ARHGAP15: variants seen among roughly 807,000 people sequenced by gnomAD.
ARHGAP15 encodes the protein Rho GTPase activating protein 15.
ARHGAP15 carries 51 observed loss-of-function variants against 63.7 expected under a neutral mutation model. The ratio of observed to expected loss-of-function variants is 0.80; its 90% CI spans 0.64 to 1.01. The LOEUF is 1.01. Among genes scored for constraint, ARHGAP15 ranks in the 50% least tolerant of loss-of-function variants. ARHGAP15 has a pLI of 0.00. For synonymous variants in ARHGAP15, 191 were observed against 193.8 expected, an observed-to-expected ratio of 0.99 and a Z score of 0.12; for missense variants, 560 against 564.6, an observed-to-expected ratio of 0.99 and a Z score of 0.08.
intron 11 of ARHGAP15, among the ~76,000 whole-genome samples, chr2:143,618,023 G>A (rs1459784075): frequency 6.6e-6 from 1 of 152,194 alleles, no homozygotes; most frequent in African/African-American, 2.4e-5. Context: ...TCATGTTACA[G>A]CCAAGGTGTG....
chr2:143,475,478 A>G lies in ARHGAP15; in HGVS notation c.704-11895A>G, dbSNP rs528103149. 6.6e-5 allele frequency among the ~76,000 whole-genome samples: 10 copies of G among 152,356 alleles called. No homozygotes were observed. In the East Asian group the frequency reaches 1.9e-3, roughly 29 times the overall value. On this transcript the variant is annotated intron_variant, in intron 8 of 13. Transcript: ENST00000295095. ...TAATAGAGGGTTCTGTCCCAACAAA[A>G]CTATTCTGTGAGAGACTCACTGACT...
At chr2:143,139,428 A>G (rs193285) in intron 1 of ARHGAP15, among the ~76,000 whole-genome samples, 62,156 of 151,912 alleles carry the variant, frequency 0.41, 12,896 homozygotes, top group Middle Eastern at 0.48. Context: ...GATTATGGCA[A>G]AAGAGTCTCA....
At chr2:143,385,297 A>G (rs1687229679) in intron 6 of ARHGAP15, among the ~76,000 whole-genome samples, 2 of 152,194 alleles carry the variant, frequency 1.3e-5, no homozygotes, top group African/African-American at 4.8e-5. Flanking sequence ...AGATGGGTAG[A>G]GAAGCTTAAA....
At chr2:143,728,067 C>A (rs1209416041) in intron 13 of ARHGAP15, among the ~76,000 whole-genome samples, 1 of 152,166 alleles carries the variant, frequency 6.6e-6, no homozygotes, top group Non-Finnish European at 1.5e-5. Context: ...AGCCATAACA[C>A]AATACGACAC....
At chr2:143,330,031 G>A (rs1169976688) in intron 6 of ARHGAP15, among the ~76,000 whole-genome samples, 4 of 132,202 alleles carry the variant, frequency 3.0e-5, no homozygotes, top group African/African-American at 8.6e-5. Flanking sequence ...GGCAGAGGTT[G>A]CAGTGAGCCT....
At chr2:143,732,798 A>G (rs1685590936) in intron 13 of ARHGAP15, among the ~76,000 whole-genome samples, 1 of 152,006 alleles carries the variant, frequency 6.6e-6, no homozygotes, top group Non-Finnish European at 1.5e-5. Flanking sequence ...AGGTTTGCAA[A>G]CTTTAAAAAA....
At chr2:143,578,639 C>T (rs1392238888) in intron 11 of ARHGAP15, among the ~76,000 whole-genome samples, 1 of 152,138 alleles carries the variant, frequency 6.6e-6, no homozygotes, top group Non-Finnish European at 1.5e-5. Context: ...GAAGAAGATG[C>T]TTTTATTCAA....
At chr2:143,600,040 G>A (rs1697702815) in intron 11 of ARHGAP15, among the ~76,000 whole-genome samples, 1 of 152,144 alleles carries the variant, frequency 6.6e-6, no homozygotes, top group Admixed American at 6.6e-5. Context: ...AAAAGAAGTT[G>A]CTGAAGAAGG....
intron 2 of ARHGAP15, among the ~76,000 whole-genome samples, chr2:143,164,776 G>C (rs757485193): frequency 6.6e-6 from 1 of 151,382 alleles, no homozygotes; most frequent in South Asian, 2.1e-4. Context: ...AGAAAAAGCA[G>C]CATGTTGCTT....
intron 6 of ARHGAP15, among the ~76,000 whole-genome samples, chr2:143,284,396 T>C (rs936210195): frequency 2.6e-5 from 4 of 152,204 alleles, no homozygotes; most frequent in African/African-American, 9.6e-5. Context: ...ACGTTGTCAC[T>C]GTTAAACAAA....
chr2:143,603,907 C>T (rs1304658505), intron 11 of ARHGAP15, among the ~76,000 whole-genome samples: 1 of 152,122 alleles, frequency 6.6e-6, no homozygotes, highest in Non-Finnish European at 1.5e-5. Flanking sequence ...TCCTCATCTA[C>T]CAATGTGAAG....
At chr2:143,543,729 C>T (rs1559041351) in intron 10 of ARHGAP15, among the ~76,000 whole-genome samples, 3 of 151,876 alleles carry the variant, frequency 2.0e-5, no homozygotes, top group African/African-American at 7.3e-5. Context: ...ATCTATGTGA[C>T]AAAATCCCCC....
chr2:143,498,654 C>G (rs940432944), intron 9 of ARHGAP15, among the ~76,000 whole-genome samples: 2 of 152,068 alleles, frequency 1.3e-5, no homozygotes, highest in African/African-American at 4.8e-5. Context: ...ACACCATTCA[C>G]TCCCCCTCAC....
At chr2:143,702,011 C>A (rs1489309723) in intron 12 of ARHGAP15, among the ~76,000 whole-genome samples, 1 of 152,174 alleles carries the variant, frequency 6.6e-6, no homozygotes, top group Non-Finnish European at 1.5e-5. Flanking sequence ...CACTCCAGCT[C>A]CAAGGCAGCT....
chr2:143,635,098 TTTTC>T (rs1376613172), intron 12 of ARHGAP15, among the ~76,000 whole-genome samples: 1 of 151,884 alleles, frequency 6.6e-6, no homozygotes, highest in East Asian at 1.9e-4. Flanking sequence ...ATGTTTCACT[TTTTC>T]TTTCAGTTGC....
chr2:143,576,751 A>G (rs1574655024), intron 11 of ARHGAP15, among the ~76,000 whole-genome samples: 1 of 152,246 alleles, frequency 6.6e-6, no homozygotes, highest in East Asian at 1.9e-4. Flanking sequence ...GTCACATTTT[A>G]CTTAACAATT....
chr2:143,373,685 G>C (rs1686677585), intron 6 of ARHGAP15, among the ~76,000 whole-genome samples: 2 of 146,960 alleles, frequency 1.4e-5, no homozygotes, highest in Non-Finnish European at 3.0e-5. Flanking sequence ...AAGCAATATG[G>C]AATGGCAAGA....
At chr2:143,199,214 C>T (rs1348194767) in intron 2 of ARHGAP15, among the ~76,000 whole-genome samples, 1 of 151,902 alleles carries the variant, frequency 6.6e-6, no homozygotes, top group Non-Finnish European at 1.5e-5. Flanking sequence ...AAGTATTCTG[C>T]CCTCAGTTTC....
chr2:143,275,777 G>A (rs539282818), intron 6 of ARHGAP15, among the ~76,000 whole-genome samples: 157 of 152,236 alleles, frequency 1.0e-3, no homozygotes, highest in Non-Finnish European at 1.9e-3. Context: ...TACTCTTTTG[G>A]TGATATGTGA....
Sources: gnomAD v4.1 joint callset for allele counts (sites outside exome capture counted in the v4.1 genomes callset) on GRCh38, gnomAD v4.1.1 for gene constraint, MANE v1.5 for transcripts, NCBI Gene and HGNC (gene_info 2026-07-23, HGNC 2026-07-21) for gene names.